The following SS18 variants were observed in gnomAD, a reference collection of about 807,000 sequenced individuals.
The protein encoded by SS18 is SS18 subunit of BAF chromatin remodeling complex.
In SS18, 28 loss-of-function variants were observed where a neutral mutation model predicts 72.5. The ratio of observed to expected loss-of-function variants is 0.39; its 90% CI spans 0.29 to 0.53. The LOEUF (loss-of-function observed/expected upper bound fraction) is 0.53, where lower values mean the gene tolerates loss of function less well. SS18 is among the 20% of genes least tolerant of loss of function. The pLI is 0.76. For missense variants in SS18, 518 were observed against 535.3 expected (o/e 0.97, Z 0.32); for synonymous variants, 172 against 164.2 (o/e 1.05, Z -0.37).
chr18:26,077,034 T>G (rs1261683747), intron 3 of SS18, among the ~76,000 whole-genome samples: 1 of 151,914 alleles, frequency 6.6e-6, no homozygotes, highest in Non-Finnish European at 1.5e-5. Context: ...TAATTACAGC[T>G]AATAAATGCA....
intron 5 of SS18, among the ~76,000 whole-genome samples, chr18:26,049,654 G>T (rs1392767937): frequency 1.3e-5 from 2 of 152,052 alleles, no homozygotes; most frequent in African/African-American, 4.8e-5. Flanking sequence ...GGGACTGCAG[G>T]CACAAGCTAC....
intron 3 of SS18, among the ~76,000 whole-genome samples, chr18:26,059,605 G>C (rs1294826332): frequency 1.3e-5 from 2 of 152,150 alleles, no homozygotes; most frequent in Non-Finnish European, 2.9e-5. Context: ...TCTCTGTTGA[G>C]ACTACAGAAG....
chr18:26,028,465 A>G (rs937115448), intron 10 of SS18, among the ~76,000 whole-genome samples: 2 of 152,218 alleles, frequency 1.3e-5, no homozygotes, highest in Admixed American at 6.5e-5. Context: ...ACTCCTAGGT[A>G]TTTACCCAAG....
chr18:26,090,799 C>A (rs1195945865), upstream of SS18: 1 of 586,340 alleles, frequency 1.7e-6, no homozygotes, highest in Non-Finnish European at 3.0e-6. Flanking sequence ...CTTTCTTGAC[C>A]GTCCCTGCAT....
At chr18:26,039,255 C>T (rs1244046162) in intron 6 of SS18, 34 bp downstream of exon 6, 1 of 1,374,434 alleles carries the variant, frequency 7.3e-7, no homozygotes, top group East Asian at 3.6e-5. Context: ...CTTTCAATTA[C>T]ATTAAGTAGC....
chr18:26,032,871 C>A (rs2053567341), intron 9 of SS18, among the ~76,000 whole-genome samples: 2 of 151,978 alleles, frequency 1.3e-5, no homozygotes, highest in South Asian at 4.2e-4. Flanking sequence ...TTAACCAGCA[C>A]AAGCAAGAGG....
At chr18:26,019,608 C>T (rs1368805789) in intron 10 of SS18, among the ~76,000 whole-genome samples, 1 of 151,700 alleles carries the variant, frequency 6.6e-6, no homozygotes, top group Non-Finnish European at 1.5e-5. Flanking sequence ...GTCAGGAGTT[C>T]GAGACCAGCC....
chr18:26,035,925 T>C lies in SS18; in HGVS notation c.881-2A>G. ...GCTGATAACCGTAATCATTATGACC[T>C]ACATCAATTCGACAAGAGACAGGAA... On this transcript the variant is annotated splice_acceptor_variant, in intron 7 of 10. Coordinates refer to ENST00000415083, the MANE Select transcript of SS18 (RefSeq NM_001007559.3). LOFTEE classifies it high-confidence loss of function. The surrounding 1 kb of genome is among the most constrained non-coding windows in gnomAD (Gnocchi z 4.4). 1 of 1,592,258 alleles carries C rather than the reference T, an allele frequency of 6.3e-7. No individual in the cohort carries two copies. Among genetic ancestry groups the C allele is most frequent in the Non-Finnish European group, 8.6e-7 (1 of 1,166,222 alleles).
At position 26,030,594 on chromosome 18, in the gene SS18, A is replaced by C. The variant is rs72878214; in HGVS notation, c.1230+1805T>G. ...TGCTCAATAAACATTTGCTTAATGA[A>C]TGGCTTGAAGTTTAGGAGATTTGGA... On this transcript the variant is annotated intron_variant, in intron 10 of 10. Coordinates refer to ENST00000415083, the MANE Select transcript of SS18 (RefSeq NM_001007559.3). 4.3e-3 allele frequency among the ~76,000 whole-genome samples: 658 copies of C among 152,314 alleles called. 3 individuals carry two copies. Among genetic ancestry groups the C allele is most frequent in the Non-Finnish European group, 7.8e-3 (534 of 68,030 alleles).
chr18:26,088,704 T>G (rs117626421), intron 1 of SS18, among the ~76,000 whole-genome samples: 3,178 of 152,294 alleles, frequency 0.021, 52 homozygotes, highest in Non-Finnish European at 0.031. Context: ...TTTCAGGGGC[T>G]GATTCAGCTG....
At chr18:26,021,826 AG>A (rs2053356030) in intron 10 of SS18, among the ~76,000 whole-genome samples, 1 of 152,234 alleles carries the variant, frequency 6.6e-6, no homozygotes, top group Non-Finnish European at 1.5e-5. Flanking sequence ...AAGTTTTGGT[AG>A]AAAAAATTAT....
intron 10 of SS18, among the ~76,000 whole-genome samples, chr18:26,030,595 T>C (rs1456347775): frequency 6.6e-6 from 1 of 152,164 alleles, no homozygotes; most frequent in African/African-American, 2.4e-5. Context: ...GCTTAATGAA[T>C]GGCTTGAAGT....
intron 6 of SS18, 58 bp downstream of exon 6, chr18:26,039,231 T>C: frequency 3.3e-6 from 4 of 1,225,580 alleles, no homozygotes; most frequent in Non-Finnish European, 4.5e-6. Flanking sequence ...TAAAAGGTCA[T>C]TAAAATTTAA....
chr18:26,064,084 T>C (rs2054171452), intron 3 of SS18, among the ~76,000 whole-genome samples: 1 of 152,116 alleles, frequency 6.6e-6, no homozygotes, highest in Non-Finnish European at 1.5e-5. Flanking sequence ...TTGAAAAACA[T>C]AGCTTATAGA....
At chr18:26,076,630 G>C (rs1032982262) in intron 3 of SS18, among the ~76,000 whole-genome samples, 1 of 151,864 alleles carries the variant, frequency 6.6e-6, no homozygotes, top group Non-Finnish European at 1.5e-5. Flanking sequence ...GCATCTTATT[G>C]TTAGTGTTAG....
At chr18:26,080,627 AC>A in intron 2 of SS18, among the ~76,000 whole-genome samples, 1 of 152,200 alleles carries the variant, frequency 6.6e-6, no homozygotes, top group Non-Finnish European at 1.5e-5. Context: ...CATTTGCCCA[AC>A]CTTCTCTCAA....
chr18:26,028,018 C>A (rs1332991383), intron 10 of SS18, among the ~76,000 whole-genome samples: 3 of 135,558 alleles, frequency 2.2e-5, no homozygotes, highest in African/African-American at 1.1e-4. Context: ...AATGAAAAAA[C>A]AGACAGGATG....
chr18:26,079,651 T>G (rs2054481438), intron 2 of SS18, among the ~76,000 whole-genome samples: 1 of 152,158 alleles, frequency 6.6e-6, no homozygotes. Flanking sequence ...GGCGTAATCA[T>G]GGCTCACTGC....
chr18:26,054,219 C>G (rs1470560548), intron 4 of SS18, among the ~76,000 whole-genome samples: 1 of 152,088 alleles, frequency 6.6e-6, no homozygotes, highest in Non-Finnish European at 1.5e-5. Flanking sequence ...ATTTGTTTTT[C>G]CAAGTATTTT....
Sources: gnomAD v4.1 joint callset for allele counts (sites outside exome capture counted in the v4.1 genomes callset) on GRCh38, gnomAD v4.1.1 for gene constraint, Gnocchi (gnomAD v3.1) non-coding constraint, MANE v1.5 for transcripts, NCBI Gene and HGNC (gene_info 2026-07-23, HGNC 2026-07-21) for gene names.